The following PTPN13 variants were observed in gnomAD, a reference collection of about 807,000 sequenced individuals.
PTPN13 encodes tyrosine-protein phosphatase non-receptor type 13.
In PTPN13, 191 loss-of-function variants were observed where a neutral mutation model predicts 284.0. The observed-to-expected ratio is 0.67, with a 90% confidence interval of 0.60 to 0.76. The LOEUF (loss-of-function observed/expected upper bound fraction) is 0.76. Ranked by LOEUF, PTPN13 falls within the 30% of genes least tolerant of loss-of-function variation. PTPN13 has a pLI of 0.00. For synonymous variants in PTPN13, 986 were observed against 1,022.3 expected (o/e 0.96, Z 0.68); for missense variants, 2,797 against 2,939.9 (o/e 0.95, Z 1.12).
intron 26 of PTPN13, 72 bp from the exon 27 acceptor site, chr4:86,766,360 A>G: frequency 1.6e-6 from 2 of 1,228,128 alleles, no homozygotes; most frequent in Non-Finnish European, 2.3e-6. Context: ...ACAAATGAAT[A>G]CGAAATAAGA....
intron 9 of PTPN13, among the ~76,000 whole-genome samples, chr4:86,720,744 T>C (rs1733561905): frequency 6.6e-6 from 1 of 152,188 alleles, no homozygotes; most frequent in African/African-American, 2.4e-5. Flanking sequence ...TATTGCATGC[T>C]TCTTGACAAA....
At chr4:86,778,569 G>A (rs959666627) in intron 35 of PTPN13, among the ~76,000 whole-genome samples, 1 of 152,146 alleles carries the variant, frequency 6.6e-6, no homozygotes, top group African/African-American at 2.4e-5. Context: ...AAGAGTCAAT[G>A]GTACTTGTCC....
At position 86,594,315 on chromosome 4, in the gene PTPN13, G is replaced by A. The variant is rs527908885; in HGVS notation, c.-480G>A. On this transcript the variant is annotated 5_prime_UTR_variant, in exon 1 of 48. Coordinates refer to ENST00000411767, the MANE Select transcript of PTPN13 (RefSeq NM_080683.3). The stretch of plus-strand genomic sequence containing the variant: ...GCCCGAGGTGGAGCCCCAGTGGTGC[G>A]AGTAGCTCCAGCGGCCACGCTGAGG... 1.3e-5 allele frequency: 2 copies of A among 152,558 alleles called. No individual in the cohort carries two copies. The highest frequency in any genetic ancestry group is 4.8e-5 in the African/African-American group (2 of 41,462). 9.5% of individuals were successfully genotyped at this position (152,558 alleles called of 1,614,324 possible).
chr4:86,759,164 G>T, intron 23 of PTPN13, 91 bp downstream of exon 23: 1 of 1,354,908 alleles, frequency 7.4e-7, no homozygotes, highest in Non-Finnish European at 1.0e-6. Context: ...GATTCATTGT[G>T]TACAAAATTG....
intron 2 of PTPN13, among the ~76,000 whole-genome samples, chr4:86,669,285 G>GTATATATATATATATA (rs34939020): frequency 3.4e-4 from 38 of 113,368 alleles, no homozygotes; most frequent in African/African-American, 5.7e-4. Context: ...GGAAGAAGAT[G>GTATATATATATATATA]TATATATATA....
At chr4:86,734,899 G>A (rs1735324367) in intron 14 of PTPN13, 24 bp downstream of exon 14, 1 of 1,599,712 alleles carries the variant, frequency 6.3e-7, no homozygotes, top group South Asian at 1.1e-5. Flanking sequence ...TTTTTTCCAG[G>A]ACCATTTTTG....
intron 35 of PTPN13, among the ~76,000 whole-genome samples, chr4:86,775,895 C>G (rs1193446456): frequency 6.6e-6 from 1 of 152,102 alleles, no homozygotes; most frequent in Non-Finnish European, 1.5e-5. Context: ...AAATAAAACT[C>G]AACTTTTGTT....
At position 86,780,446 on chromosome 4, in the gene PTPN13, C is replaced by A; in HGVS notation, c.5936C>A (p.Ser1979Ter). The stretch of plus-strand genomic sequence containing the variant: ...CCCAGCTCAAAGAGGTCTGCTGTTT[C>A]AGCTCCAAAGTCAACCAAAGGCAAT... Reference protein sequence around the residue: ...VVPSSKRSAVSAPKSTKGNGS... With the variant: ...VVPSSKRSAV The change falls in exon 36 of 48, where the codon TCA becomes TAA. Residue 1979 changes from serine to a stop codon, truncating the protein, a stop_gained. Transcript: ENST00000411767. LOFTEE classifies it high-confidence loss of function. 6.2e-7 allele frequency: 1 copy of A among 1,610,658 alleles called. No individual in the cohort carries two copies. The highest frequency in any genetic ancestry group is 8.5e-7 in the Non-Finnish European group (1 of 1,177,880).
intron 10 of PTPN13, among the ~76,000 whole-genome samples, chr4:86,728,662 T>TA (rs1565429515): frequency 1.2e-4 from 13 of 107,286 alleles, no homozygotes; most frequent in African/African-American, 4.4e-4. Flanking sequence ...TTTTTTTTTT[T>TA]TTTTTTTTTT....
chr4:86,600,338 G>A (rs1010236207), intron 1 of PTPN13, among the ~76,000 whole-genome samples: 1 of 150,094 alleles, frequency 6.7e-6, no homozygotes, highest in African/African-American at 2.5e-5. Flanking sequence ...AGTTTTATTG[G>A]TTTAGTATGC....
intron 45 of PTPN13, among the ~76,000 whole-genome samples, chr4:86,809,176 T>C (rs1003446568): frequency 6.6e-6 from 1 of 152,150 alleles, no homozygotes; most frequent in African/African-American, 2.4e-5. Context: ...CTGACTTTTA[T>C]CTGAGGTGCA....
chr4:86,692,342 T>G (rs1201708268), intron 5 of PTPN13, among the ~76,000 whole-genome samples: 1 of 152,192 alleles, frequency 6.6e-6, no homozygotes, highest in Non-Finnish European at 1.5e-5. Flanking sequence ...CAGAAATACT[T>G]CCATTTACAA....
At chr4:86,595,047 C>T (rs1763490175) in intron 1 of PTPN13, among the ~76,000 whole-genome samples, 1 of 152,022 alleles carries the variant, frequency 6.6e-6, no homozygotes, top group South Asian at 2.1e-4. Context: ...ATCTCCTCTG[C>T]GGAAGAAAGC....
intron 1 of PTPN13, among the ~76,000 whole-genome samples, chr4:86,606,249 C>G (rs1764731075): frequency 1.3e-5 from 2 of 151,854 alleles, no homozygotes; most frequent in South Asian, 4.1e-4. Flanking sequence ...GGATTAGTTA[C>G]TGCTTGGTTC....
At chr4:86,713,049 T>G (rs1178671112) in intron 7 of PTPN13, among the ~76,000 whole-genome samples, 32 of 152,118 alleles carry the variant, frequency 2.1e-4, no homozygotes, top group Admixed American at 2.1e-3. Flanking sequence ...AATTCATTTA[T>G]TACTTAATAT....
chr4:86,702,002 C>T (rs960976338), intron 7 of PTPN13, among the ~76,000 whole-genome samples: 1 of 152,130 alleles, frequency 6.6e-6, no homozygotes, highest in Non-Finnish European at 1.5e-5. Context: ...TCCACAAAGT[C>T]ATCCCTAATA....
At chr4:86,789,962 G>A (rs1372162226) in intron 40 of PTPN13, among the ~76,000 whole-genome samples, 1 of 150,112 alleles carries the variant, frequency 6.7e-6, no homozygotes, top group East Asian at 2.0e-4. Flanking sequence ...ATTTCTAATT[G>A]AGCTTTACCT....
intron 1 of PTPN13, among the ~76,000 whole-genome samples, chr4:86,614,145 G>A (rs551373675): frequency 6.9e-4 from 105 of 152,126 alleles, no homozygotes; most frequent in Non-Finnish European, 1.3e-3. Flanking sequence ...CAGTATATAG[G>A]GTAGTTTTGT....
rs748812599 is a variant in PTPN13, at chr4:86,762,792, C to G, written c.3619C>G (p.Gln1207Glu). 3.1e-6 allele frequency: 5 copies of G among 1,612,122 alleles called. No individual in the cohort carries two copies. Among genetic ancestry groups the G allele is most frequent in the Non-Finnish European group, 4.2e-6 (5 of 1,178,340 alleles). The change falls in exon 24 of 48, where the codon CAA (glutamine) becomes GAA (glutamate). Residue 1207 changes from glutamine to glutamate, a missense_variant. Gln to Glu is a conservative substitution (Grantham distance 29). Transcript: ENST00000411767. ...KNYMKKSSYM[Q>E]DSAIDSSSKD... ...CTACATGAAGAAATCTTCCTACATG[C>G]AAGACAGTGCTATAGATTCTTCTTC...
Sources: gnomAD v4.1 joint callset for allele counts (sites outside exome capture counted in the v4.1 genomes callset) on GRCh38, gnomAD v4.1.1 for gene constraint, MANE v1.5 for transcripts, NCBI Gene and HGNC (gene_info 2026-07-23, HGNC 2026-07-21) for gene names.